SLCO1B1: variants seen among roughly 807,000 people sequenced by gnomAD.
SLCO1B1 encodes solute carrier organic anion transporter family member 1B1.
In SLCO1B1, 81 loss-of-function variants were observed where a neutral mutation model predicts 70.1. That is an observed-to-expected ratio of 1.16 (90% confidence interval 0.97 to 1.39). The LOEUF (loss-of-function observed/expected upper bound fraction) is 1.39, where lower values mean the gene tolerates loss of function less well. SLCO1B1 is among the 40% of genes most tolerant of loss of function. The pLI is 0.00. For synonymous variants in SLCO1B1, 283 were observed against 271.5 expected (o/e 1.04, Z -0.42); for missense variants, 895 against 799.6 (o/e 1.12, Z -1.44).
chr12:21,190,017 C>T (rs1471574744), intron 7 of SLCO1B1, among the ~76,000 whole-genome samples: 1 of 152,086 alleles, frequency 6.6e-6, no homozygotes. Flanking sequence ...TGTGGGAGAT[C>T]AGTCAGAGTG....
chr12:21,132,493 A>G (rs952979758), intron 1 of SLCO1B1, among the ~76,000 whole-genome samples: 4 of 152,122 alleles, frequency 2.6e-5, no homozygotes, highest in African/African-American at 9.7e-5. Flanking sequence ...CCTCTCCAGC[A>G]CCTGTTGTTT....
intron 14 of SLCO1B1, among the ~76,000 whole-genome samples, chr12:21,235,081 A>ATTTTTT (rs61184106): frequency 7.4e-6 from 1 of 135,794 alleles, no homozygotes; most frequent in Non-Finnish European, 1.6e-5. Flanking sequence ...TTCAAGTCGA[A>ATTTTTT]TTTTTTTTTT....
chr12:21,218,217 A>G (rs761299304), intron 12 of SLCO1B1, among the ~76,000 whole-genome samples: 1 of 152,234 alleles, frequency 6.6e-6, no homozygotes, highest in Non-Finnish European at 1.5e-5. Flanking sequence ...AGATTGAAAC[A>G]TACTGAATGA....
At position 21,171,465 on chromosome 12, in the gene SLCO1B1, G is replaced by A. The variant is rs993248658; in HGVS notation, c.85-1185G>A. ...CTTGATATGACTATAAGTTACATAG[G>A]AAAACAGAGGGGCAGCATGATCTAT... On this transcript the variant is annotated intron_variant, in intron 2 of 14. Transcript: ENST00000256958. Among the ~76,000 whole-genome samples the A allele has an allele frequency of 3.3e-5, 5 of 152,264 alleles. No homozygotes were observed. In the South Asian group the frequency reaches 6.2e-4, roughly 19 times the overall value.
rs181964900 is a variant in SLCO1B1 at position 21,134,445 on chromosome 12, T to C, written c.-62+3209T>C. On this transcript the variant is annotated intron_variant, in intron 1 of 14. Coordinates refer to ENST00000256958, the MANE Select transcript of SLCO1B1 (RefSeq NM_006446.5). ...CCTTGTACCTCTGGTAGAATTCGGC[T>C]GTGAATCCATCTGGTCCTGGACTTT... Among the ~76,000 whole-genome samples the C allele has an allele frequency of 3.9e-5, 6 of 152,324 alleles. No individual in the cohort carries two copies. In the East Asian group the frequency reaches 1.2e-3, roughly 29 times the overall value.
chr12:21,161,825 T>G (rs1940623276), intron 2 of SLCO1B1, among the ~76,000 whole-genome samples: 1 of 152,028 alleles, frequency 6.6e-6, no homozygotes, highest in South Asian at 2.1e-4. Context: ...CTGGCCAACA[T>G]GGTGAAACCC....
In SLCO1B1 at chr12:21,197,024, C is replaced by T. The variant is rs1287619377; in HGVS notation, c.806C>T (p.Ser269Phe). The T allele has an allele frequency of 3.1e-6, 5 of 1,613,528 alleles. No individual in the cohort carries two copies. Among genetic ancestry groups the T allele is most frequent in the South Asian group, 1.1e-5 (1 of 91,078 alleles). The change falls in exon 8 of 15, where the codon TCC becomes TTC. Residue 269 changes from serine to phenylalanine, a missense_variant. By Grantham distance (155) the Ser-to-Phe change is radical. Coordinates refer to ENST00000256958, the MANE Select transcript of SLCO1B1 (RefSeq NM_006446.5). The stretch of plus-strand genomic sequence containing the variant: ...AATTTCCTTGTGTCTGGACTATTCT[C>T]CATTATTTCTTCCATACCATTCTTT... ...WLNFLVSGLF[S>F]IISSIPFFFL...
intron 1 of SLCO1B1, among the ~76,000 whole-genome samples, chr12:21,135,215 C>A (rs1464580115): frequency 7.3e-6 from 1 of 137,118 alleles, no homozygotes; most frequent in Admixed American, 7.1e-5. Context: ...GTTATAATTT[C>A]TGTTCTTTTC....
intron 2 of SLCO1B1, among the ~76,000 whole-genome samples, chr12:21,152,494 G>A (rs1301002786): frequency 1.6e-5 from 2 of 121,660 alleles, no homozygotes; most frequent in Non-Finnish European, 3.2e-5. Context: ...CTATACATAG[G>A]CCTTCAATAA....
At chr12:21,155,028 A>G (rs996139193) in intron 2 of SLCO1B1, among the ~76,000 whole-genome samples, 2 of 151,996 alleles carry the variant, frequency 1.3e-5, no homozygotes, top group Admixed American at 6.6e-5. Flanking sequence ...ATTTTAATAT[A>G]CTTCTTCCAA....
chr12:21,221,859 A>G (rs1941426936), intron 12 of SLCO1B1, among the ~76,000 whole-genome samples: 1 of 152,130 alleles, frequency 6.6e-6, no homozygotes, highest in African/African-American at 2.4e-5. Flanking sequence ...TTTTTCAAGT[A>G]TCTGAAAATA....
chr12:21,199,100 G>C (rs1366511513), intron 8 of SLCO1B1, among the ~76,000 whole-genome samples: 1 of 151,550 alleles, frequency 6.6e-6, no homozygotes, highest in South Asian at 2.1e-4. Context: ...TTTCTTTTCT[G>C]TTTCTTTTCT....
At chr12:21,175,568 C>T (rs1940809708) in intron 4 of SLCO1B1, among the ~76,000 whole-genome samples, 1 of 152,086 alleles carries the variant, frequency 6.6e-6, no homozygotes, top group South Asian at 2.1e-4. Context: ...CAATTACTTA[C>T]TCATTGCCAA....
chr12:21,142,955 A>T (rs1940332096), intron 2 of SLCO1B1, among the ~76,000 whole-genome samples: 3 of 152,074 alleles, frequency 2.0e-5, no homozygotes, highest in Non-Finnish European at 2.9e-5. Flanking sequence ...GAGCTAGAGG[A>T]AGATACTGGG....
At chr12:21,158,496 T>C (rs909614157) in intron 2 of SLCO1B1, among the ~76,000 whole-genome samples, 2 of 152,038 alleles carry the variant, frequency 1.3e-5, no homozygotes, top group South Asian at 2.1e-4. Flanking sequence ...GAGTTCAAGA[T>C]GAGCCTGGCC....
chr12:21,149,999 G>A (rs550305087), intron 2 of SLCO1B1, among the ~76,000 whole-genome samples: 1 of 152,202 alleles, frequency 6.6e-6, no homozygotes, highest in South Asian at 2.1e-4. Context: ...AACCCGGGAT[G>A]CTCGAGCTTG....
chr12:21,174,959 T>C (rs1940801400), intron 4 of SLCO1B1, among the ~76,000 whole-genome samples: 1 of 152,172 alleles, frequency 6.6e-6, no homozygotes, highest in Admixed American at 6.5e-5. Context: ...TTTTTATGAA[T>C]TTTTAGTATA....
chr12:21,136,557 T>C (rs113783158), intron 1 of SLCO1B1, among the ~76,000 whole-genome samples: 44 of 152,294 alleles, frequency 2.9e-4, no homozygotes, highest in African/African-American at 1.1e-3. Context: ...TCTAAACTTC[T>C]CTTCTCACTT....
At chr12:21,158,057 C>G (rs1379831594) in intron 2 of SLCO1B1, among the ~76,000 whole-genome samples, 1 of 152,076 alleles carries the variant, frequency 6.6e-6, no homozygotes, top group Admixed American at 6.5e-5. Flanking sequence ...CCTTTGTCAT[C>G]AAATTGATGT....
Sources: gnomAD v4.1 joint callset for allele counts (sites outside exome capture counted in the v4.1 genomes callset) on GRCh38, gnomAD v4.1.1 for gene constraint, MANE v1.5 for transcripts, NCBI Gene and HGNC (gene_info 2026-07-23, HGNC 2026-07-21) for gene names.